Variants in COL21A1 observed in about 807,000 individuals in gnomAD.
COL21A1 encodes the protein collagen alpha-1(XXI) chain.
In COL21A1, 149 loss-of-function variants were observed where a neutral mutation model predicts 137.9. That is an observed-to-expected ratio of 1.08 (90% confidence interval 0.95 to 1.24). The LOEUF (loss-of-function observed/expected upper bound fraction) is 1.24, where lower values mean the gene tolerates loss of function less well. Ranked by LOEUF, COL21A1 falls within the 50% of genes most tolerant of loss-of-function variation. The pLI is 0.00. For missense variants in COL21A1, 1,167 were observed against 1,158.4 expected, an observed-to-expected ratio of 1.01 and a Z score of -0.11; for synonymous variants, 456 against 391.5, an observed-to-expected ratio of 1.16 and a Z score of -1.95.
At chr6:56,113,411 C>T (rs1386459539) in intron 16 of COL21A1, among the ~76,000 whole-genome samples, 1 of 152,164 alleles carries the variant, frequency 6.6e-6, no homozygotes, top group Non-Finnish European at 1.5e-5. Context: ...GCCCCCTTTC[C>T]AGGCCTTAGC....
chr6:56,260,634 A>G (rs1409244460), intron 1 of COL21A1, among the ~76,000 whole-genome samples: 1 of 22,572 alleles, frequency 4.4e-5, no homozygotes, highest in Non-Finnish European at 1.2e-4. Flanking sequence ...AGAGGAAGGA[A>G]GGAAGGAAGG....
intron 3 of COL21A1, 112 bp from the exon 4 acceptor site, chr6:56,171,240 A>G (rs1777025997): frequency 6.5e-6 from 4 of 620,146 alleles, no homozygotes; most frequent in Non-Finnish European, 1.1e-5. Context: ...GAATTATAAA[A>G]TCTACATATG....
intron 3 of COL21A1, among the ~76,000 whole-genome samples, chr6:56,175,125 G>A (rs1777358693): frequency 1.3e-5 from 2 of 152,110 alleles, no homozygotes; most frequent in South Asian, 4.1e-4. Context: ...AACAAGTAAG[G>A]AATAGAAGGA....
intron 3 of COL21A1, among the ~76,000 whole-genome samples, chr6:56,177,521 C>T (rs1209292013): frequency 6.6e-6 from 1 of 152,048 alleles, no homozygotes; most frequent in African/African-American, 2.4e-5. Flanking sequence ...AGACTGGGCG[C>T]GGTGGCTCAC....
intron 9 of COL21A1, among the ~76,000 whole-genome samples, chr6:56,163,313 G>A (rs1368780583): frequency 3.3e-5 from 5 of 152,160 alleles, no homozygotes; most frequent in African/African-American, 9.7e-5. Flanking sequence ...TTAATATAAT[G>A]TTAAGTAAAC....
intron 1 of COL21A1, among the ~76,000 whole-genome samples, chr6:56,318,075 C>T (rs1764781885): frequency 6.6e-6 from 1 of 152,104 alleles, no homozygotes; most frequent in South Asian, 2.1e-4. Flanking sequence ...ATCTATTGTA[C>T]ATTATAATGA....
At chr6:56,090,149 G>A (rs1395614662) in intron 17 of COL21A1, among the ~76,000 whole-genome samples, 1 of 152,196 alleles carries the variant, frequency 6.6e-6, no homozygotes, top group Non-Finnish European at 1.5e-5. Context: ...TGAGGCAGGA[G>A]AATTGCTTGA....
intron 1 of COL21A1, among the ~76,000 whole-genome samples, chr6:56,187,766 T>C (rs975906255): frequency 6.6e-6 from 1 of 152,150 alleles, no homozygotes; most frequent in Non-Finnish European, 1.5e-5. Flanking sequence ...AACTTTGGAT[T>C]AAGATGAATA....
At chr6:56,116,112 G>A (rs891051882) in intron 16 of COL21A1, among the ~76,000 whole-genome samples, 15 of 151,850 alleles carry the variant, frequency 9.9e-5, no homozygotes, top group East Asian at 1.9e-4. Context: ...TTTATTCAAA[G>A]GGTTAACAGA....
intron 1 of COL21A1, among the ~76,000 whole-genome samples, chr6:56,194,793 G>C (rs892528254): frequency 3.0e-4 from 46 of 151,028 alleles, no homozygotes; most frequent in African/African-American, 1.1e-3. Context: ...TTAGTTTGTA[G>C]ATGAAGGGTC....
chr6:56,156,539 C>G (rs1775756950), intron 10 of COL21A1, among the ~76,000 whole-genome samples: 1 of 152,124 alleles, frequency 6.6e-6, no homozygotes, highest in Admixed American at 6.5e-5. Flanking sequence ...CACTATCTTC[C>G]AGTCTGTGAG....
intron 1 of COL21A1, among the ~76,000 whole-genome samples, chr6:56,267,671 C>A (rs572404049): frequency 6.6e-6 from 1 of 150,684 alleles, no homozygotes; most frequent in South Asian, 2.1e-4. Flanking sequence ...CAGGGAGAAT[C>A]GCTTGAACCC....
intron 1 of COL21A1, among the ~76,000 whole-genome samples, chr6:56,387,576 C>T (rs1207227264): frequency 6.6e-6 from 1 of 152,116 alleles, no homozygotes; most frequent in Non-Finnish European, 1.5e-5. Context: ...CAGCCCTCCT[C>T]AGTGCTATAC....
At chr6:56,240,531 A>G (rs1782231918) in intron 1 of COL21A1, among the ~76,000 whole-genome samples, 1 of 152,236 alleles carries the variant, frequency 6.6e-6, no homozygotes, top group Non-Finnish European at 1.5e-5. Context: ...AATAAACTCT[A>G]CATTTCTCAG....
intron 1 of COL21A1, among the ~76,000 whole-genome samples, chr6:56,245,508 A>C (rs1160109908): frequency 6.6e-6 from 1 of 152,210 alleles, no homozygotes; most frequent in African/African-American, 2.4e-5. Context: ...AAGGTGGTTG[A>C]GGATTATGTT....
intron 1 of COL21A1, among the ~76,000 whole-genome samples, chr6:56,383,045 T>C (rs1173426941): frequency 2.0e-5 from 3 of 152,182 alleles, no homozygotes; most frequent in African/African-American, 7.2e-5. Flanking sequence ...CTAACCACTG[T>C]TCCCTTGAAA....
intron 1 of COL21A1, among the ~76,000 whole-genome samples, chr6:56,340,650 T>C (rs1269026792): frequency 1.3e-5 from 2 of 152,140 alleles, no homozygotes; most frequent in Non-Finnish European, 2.9e-5. Context: ...TGTGTTTATT[T>C]TCAAGTAGCA....
intron 6 of COL21A1, among the ~76,000 whole-genome samples, chr6:56,167,388 G>C (rs987508549): frequency 3.9e-5 from 6 of 152,206 alleles, no homozygotes; most frequent in African/African-American, 1.2e-4. Flanking sequence ...TCGCTATTTA[G>C]TTGCTGGCAT....
At chr6:56,197,270 A>G (rs2876630) in intron 1 of COL21A1, among the ~76,000 whole-genome samples, 98,250 of 151,916 alleles carry the variant, frequency 0.65, 32,199 homozygotes, top group East Asian at 0.86. Flanking sequence ...AAGAAAACAC[A>G]GGGGAAAAGC....
Sources: allele counts gnomAD v4.1 joint callset (sites outside exome capture counted in the v4.1 genomes callset), GRCh38; gene constraint gnomAD v4.1.1; transcripts MANE v1.5; gene names NCBI Gene and HGNC (gene_info 2026-07-23, HGNC 2026-07-21).